Variants in LRCH1 observed in about 807,000 individuals in gnomAD.
LRCH1 encodes the protein leucine rich repeats and calponin homology domain containing 1.
Under a neutral mutation model 94.9 loss-of-function variants are expected in LRCH1, and 23 were observed. The observed-to-expected ratio is 0.24, with a 90% confidence interval of 0.17 to 0.34. The LOEUF (loss-of-function observed/expected upper bound fraction) is 0.34. LRCH1 is among the 10% of genes least tolerant of loss of function. The pLI is 1.00. For synonymous variants in LRCH1, 364 were observed against 354.9 expected, an observed-to-expected ratio of 1.03 and a Z score of -0.29; for missense variants, 790 against 945.9, an observed-to-expected ratio of 0.84 and a Z score of 2.16.
intron 7 of LRCH1, among the ~76,000 whole-genome samples, chr13:46,692,261 C>T (rs1016733495): frequency 2.6e-5 from 4 of 152,184 alleles, no homozygotes; most frequent in African/African-American, 4.8e-5. Context: ...TGAACACACC[C>T]GTATAACCAG....
At chr13:46,731,783 C>G (rs539011099) in intron 18 of LRCH1, among the ~76,000 whole-genome samples, 1 of 152,248 alleles carries the variant, frequency 6.6e-6, no homozygotes, top group South Asian at 2.1e-4. Context: ...ACAGGCAGCT[C>G]CCTCTGCCTA....
chr13:46,589,929 T>G (rs2050481161), intron 1 of LRCH1, among the ~76,000 whole-genome samples: 1 of 151,602 alleles, frequency 6.6e-6, no homozygotes, highest in Non-Finnish European at 1.5e-5. Flanking sequence ...GACATTGACT[T>G]TAGAAAGAGA....
intron 1 of LRCH1, among the ~76,000 whole-genome samples, chr13:46,639,179 C>T (rs1044907500): frequency 6.6e-6 from 1 of 152,172 alleles, no homozygotes; most frequent in African/African-American, 2.4e-5. Context: ...TGATTCTAAT[C>T]CTGGAATGAT....
exon 19 of LRCH1, chr13:46,751,288 C>T (rs1012203643): frequency 1.3e-5 from 2 of 151,770 alleles, no homozygotes; most frequent in African/African-American, 4.8e-5. Flanking sequence ...TAGTTTAGGT[C>T]TCAGTAATGT....
intron 1 of LRCH1, among the ~76,000 whole-genome samples, chr13:46,564,179 G>A (rs903010511): frequency 7.9e-5 from 12 of 152,194 alleles, no homozygotes; most frequent in African/African-American, 2.9e-4. Context: ...ACATACTAAA[G>A]GAGTGTGCTG....
chr13:46,696,258 T>A (rs1217683513), intron 9 of LRCH1, among the ~76,000 whole-genome samples: 1 of 151,690 alleles, frequency 6.6e-6, no homozygotes, highest in African/African-American at 2.4e-5. Flanking sequence ...CACCAAACAT[T>A]TTTCTAAAGT....
intron 1 of LRCH1, among the ~76,000 whole-genome samples, chr13:46,640,841 A>AG (rs1163309481): frequency 4.6e-5 from 7 of 152,254 alleles, no homozygotes; most frequent in Non-Finnish European, 1.0e-4. Context: ...GGAGATGATC[A>AG]GGGAAGACCT....
chr13:46,744,160 T>TGGATGCCTGC lies in LRCH1; in HGVS notation c.*2323_*2332dup. On this transcript the variant is annotated 3_prime_UTR_variant, in exon 20 of 20. Coordinates refer to ENST00000389797, the MANE Select transcript of LRCH1 (RefSeq NM_001164211.2). ...CCCGTGCACCAGCCCATATGCTAAC[T>TGGATGCCTGC]GGATGCCTGCGGATGCCTGCCCTTG... 2 of 985,420 alleles carry TGGATGCCTGC rather than the reference T, an allele frequency of 2.0e-6. No homozygotes were observed. The highest frequency in any genetic ancestry group is 2.4e-6 in the Non-Finnish European group (2 of 829,928). The allele number at this position is 985,420 out of a possible 1,614,324, so 61.0% of individuals were successfully genotyped here. A position where few individuals can be genotyped will look rare whatever the true frequency, so the allele number is the denominator to read the frequency against.
chr13:46,649,440 T>C (rs2051263799), intron 1 of LRCH1, among the ~76,000 whole-genome samples: 1 of 152,242 alleles, frequency 6.6e-6, no homozygotes, highest in Non-Finnish European at 1.5e-5. Flanking sequence ...ATGGTAATAC[T>C]GTAGGCCGTA....
Position 46,582,648 on chromosome 13 carries a change from CT to C in LRCH1, c.307+28969del, listed in dbSNP as rs551678501. On this transcript the variant is annotated intron_variant, in intron 1 of 19. Coordinates refer to ENST00000389797, the MANE Select transcript of LRCH1 (RefSeq NM_001164211.2). Reference sequence around the variant, plus strand: ...CACAGGCACGCACCACCATGCCCAGCTTTTTTTTTTTTTTTTTTTTTTTTGT... The same window carrying C: ...CACAGGCACGCACCACCATGCCCAGCTTTTTTTTTTTTTTTTTTTTTTTGT... Among the ~76,000 whole-genome samples, 148 of 23,334 alleles carry C rather than the reference CT, an allele frequency of 6.3e-3. 3 individuals are homozygous for C. The highest frequency in any genetic ancestry group is 0.017 in the African/African-American group (126 of 7,434). The allele number at this position is 23,334 out of a possible 152,430, so 15.3% of individuals were successfully genotyped here. A position where few individuals can be genotyped will look rare whatever the true frequency, so the allele number is the denominator to read the frequency against.
intron 7 of LRCH1, among the ~76,000 whole-genome samples, chr13:46,689,566 G>GTAATT (rs1237115370): frequency 1.2e-4 from 19 of 152,226 alleles, no homozygotes; most frequent in African/African-American, 4.6e-4. Flanking sequence ...CAGTAATAGA[G>GTAATT]TAATTTAGAA....
At chr13:46,565,569 T>C (rs997754683) in intron 1 of LRCH1, among the ~76,000 whole-genome samples, 3 of 152,000 alleles carry the variant, frequency 2.0e-5, no homozygotes, top group Admixed American at 2.0e-4. Context: ...CCTAGCAATT[T>C]GGGAGGCCAA....
chr13:46,615,121 C>CT (rs1325008384), intron 1 of LRCH1, among the ~76,000 whole-genome samples: 2 of 152,152 alleles, frequency 1.3e-5, no homozygotes, highest in African/African-American at 4.8e-5. Flanking sequence ...GTGTGTTACT[C>CT]TGTTCTGTGT....
intron 1 of LRCH1, among the ~76,000 whole-genome samples, chr13:46,569,915 T>C (rs978217510): frequency 6.6e-6 from 1 of 152,170 alleles, no homozygotes; most frequent in African/African-American, 2.4e-5. Flanking sequence ...TCCTGCCTCT[T>C]CTAGGATGCC....
chr13:46,700,961 C>T lies in LRCH1; in HGVS notation c.1314-160C>T, dbSNP rs147416163. ...GCTCTTCCCACCGTGCTCTGCCATC[C>T]CACCCCACAAGGTACAAACACATTT... On this transcript the variant is annotated intron_variant, in intron 10 of 19. Coordinates refer to ENST00000389797, the MANE Select transcript of LRCH1 (RefSeq NM_001164211.2). Among the ~76,000 whole-genome samples the T allele has an allele frequency of 3.3e-4, 51 of 152,336 alleles. 1 individual carries two copies. The highest frequency in any genetic ancestry group is 1.2e-3 in the African/African-American group (48 of 41,582).
Position 46,742,425 on chromosome 13 carries a change from T to C in LRCH1, c.*577T>C. 1.0e-6 allele frequency: 1 copy of C among 987,056 alleles called. No individual in the cohort carries two copies. The highest frequency in any genetic ancestry group is 1.2e-6 in the Non-Finnish European group (1 of 831,142). The allele number at this position is 987,056 out of a possible 1,614,324, so 61.1% of individuals were successfully genotyped here. On this transcript the variant is annotated 3_prime_UTR_variant, in exon 20 of 20. Transcript: ENST00000389797. ...TCACACTGCCTTGATGGCCATTCGA[T>C]TGGATTCCTCCCAAATTTCCTAAAA...
chr13:46,652,574 A>G (rs1168877530), intron 2 of LRCH1, among the ~76,000 whole-genome samples: 1 of 152,168 alleles, frequency 6.6e-6, no homozygotes, highest in African/African-American at 2.4e-5. Context: ...TGTTTCTACC[A>G]TAGTGGGGTG....
chr13:46,746,169 G>A (rs9590991), downstream of LRCH1, among the ~76,000 whole-genome samples: 7,711 of 152,260 alleles, frequency 0.051, 624 homozygotes, highest in African/African-American at 0.17. Context: ...CAGCTGTTTA[G>A]TGTCACAAAG....
chr13:46,625,063 T>C (rs1436746273), intron 1 of LRCH1, among the ~76,000 whole-genome samples: 1 of 152,254 alleles, frequency 6.6e-6, no homozygotes, highest in African/African-American at 2.4e-5. Context: ...GTGTTAACCA[T>C]ACCTACCTAT....
Sources: allele counts gnomAD v4.1 joint callset (sites outside exome capture counted in the v4.1 genomes callset), GRCh38; gene constraint gnomAD v4.1.1; transcripts MANE v1.5; gene names NCBI Gene and HGNC (gene_info 2026-07-23, HGNC 2026-07-21).